Variants in AKT3 observed in about 807,000 individuals in gnomAD.
The protein encoded by AKT3 is AKT serine/threonine kinase 3.
Under a neutral mutation model 65.3 loss-of-function variants are expected in AKT3, and 15 were observed. That is an observed-to-expected ratio of 0.23 (90% confidence interval 0.15 to 0.35). AKT3 has a LOEUF of 0.35. Among genes scored for constraint, AKT3 ranks in the 10% least tolerant of loss-of-function variants. AKT3 has a pLI of 1.00. For synonymous variants in AKT3, 206 were observed against 183.8 expected, an observed-to-expected ratio of 1.12 and a Z score of -0.98; for missense variants, 243 against 576.5, an observed-to-expected ratio of 0.42 and a Z score of 5.92.
chr1:243,681,810 A>G (rs998240982), intron 3 of AKT3, among the ~76,000 whole-genome samples: 1 of 152,114 alleles, frequency 6.6e-6, no homozygotes, highest in Non-Finnish European at 1.5e-5. Context: ...TCTCAGATTC[A>G]TTATCTAGTT....
chr1:243,848,701 A>G (rs1695618012), intron 1 of AKT3, among the ~76,000 whole-genome samples: 1 of 152,236 alleles, frequency 6.6e-6, no homozygotes, highest in Non-Finnish European at 1.5e-5. Context: ...ACAACTGCCA[A>G]TGTATTAACT....
intron 10 of AKT3, among the ~76,000 whole-genome samples, chr1:243,554,304 G>A (rs1055280701): frequency 5.3e-5 from 8 of 151,874 alleles, no homozygotes; most frequent in African/African-American, 9.7e-5. Context: ...TTTGTTTTAC[G>A]GCTAAAAAAC....
chr1:243,519,001 G>C (rs1486490245), intron 12 of AKT3, among the ~76,000 whole-genome samples: 2 of 152,188 alleles, frequency 1.3e-5, no homozygotes, highest in East Asian at 3.8e-4. Context: ...GATGCTTTAT[G>C]AAAAGTTATG....
At chr1:243,509,618 G>A (rs961411371) in intron 13 of AKT3, among the ~76,000 whole-genome samples, 3 of 152,038 alleles carry the variant, frequency 2.0e-5, no homozygotes, top group Non-Finnish European at 2.9e-5. Context: ...CTGTCCGCCG[G>A]CCCTCCACTA....
At chr1:243,813,044 G>A (rs1200530128) in intron 2 of AKT3, among the ~76,000 whole-genome samples, 3 of 125,498 alleles carry the variant, frequency 2.4e-5, no homozygotes, top group African/African-American at 8.9e-5. Context: ...GGGGGGAGGG[G>A]GGAGGGATAG....
intron 2 of AKT3, among the ~76,000 whole-genome samples, chr1:243,705,021 G>A (rs1685707076): frequency 6.6e-6 from 1 of 152,114 alleles, no homozygotes; most frequent in African/African-American, 2.4e-5. Context: ...CTTCCGAGAT[G>A]TCTTAAAGGC....
intron 8 of AKT3, among the ~76,000 whole-genome samples, chr1:243,592,732 C>G (rs1290781540): frequency 1.3e-5 from 2 of 151,920 alleles, no homozygotes; most frequent in Non-Finnish European, 1.5e-5. Flanking sequence ...GAAAATGACA[C>G]CACATGGAAA....
chr1:243,808,942 G>C (rs1024020885), intron 2 of AKT3, among the ~76,000 whole-genome samples: 7 of 152,166 alleles, frequency 4.6e-5, no homozygotes, highest in Non-Finnish European at 8.8e-5. Context: ...AGCTTCGTAA[G>C]TGAAGGAGAA....
chr1:243,630,580 G>A (rs1262132303), intron 6 of AKT3, among the ~76,000 whole-genome samples: 2 of 152,084 alleles, frequency 1.3e-5, no homozygotes, highest in Admixed American at 6.6e-5. Flanking sequence ...CTGTCCTCTA[G>A]GCCCATGGTG....
At chr1:243,574,207 AAG>A (rs1265258967) in intron 8 of AKT3, among the ~76,000 whole-genome samples, 2 of 152,056 alleles carry the variant, frequency 1.3e-5, no homozygotes, top group Non-Finnish European at 2.9e-5. Flanking sequence ...TCATTATTTC[AAG>A]TAACATAAAA....
At chr1:243,601,552 T>C (rs898592363) in intron 8 of AKT3, among the ~76,000 whole-genome samples, 1 of 152,142 alleles carries the variant, frequency 6.6e-6, no homozygotes, top group Non-Finnish European at 1.5e-5. Flanking sequence ...ACACAGAAAT[T>C]GCATTTCTAT....
At chr1:243,664,979 A>G in intron 3 of AKT3, 96 bp from the exon 4 acceptor site, 2 of 531,018 alleles carry the variant, frequency 3.8e-6, no homozygotes, top group Non-Finnish European at 5.9e-6. Flanking sequence ...AACAAAACCC[A>G]GTGCGAACTC....
chr1:243,535,143 A>AAATTTAAAATAT (rs1553397995), intron 12 of AKT3, among the ~76,000 whole-genome samples: 220 of 141,642 alleles, frequency 1.6e-3, no homozygotes, highest in Non-Finnish European at 2.1e-3. Context: ...TAAAATTAAA[A>AAATTTAAAATAT]ATTTTAAAAT....
At chr1:243,527,319 G>A (rs1397526750) in intron 12 of AKT3, among the ~76,000 whole-genome samples, 4 of 152,106 alleles carry the variant, frequency 2.6e-5, no homozygotes, top group Non-Finnish European at 4.4e-5. Flanking sequence ...CTCTCTAGAG[G>A]CAAGATTTTT....
chr1:243,490,210 A>T (rs969306809), intron 13 of AKT3, among the ~76,000 whole-genome samples: 1 of 152,240 alleles, frequency 6.6e-6, no homozygotes, highest in East Asian at 1.9e-4. Flanking sequence ...CCTCTGCCAA[A>T]CATGTGTTCA....
intron 4 of AKT3, among the ~76,000 whole-genome samples, chr1:243,661,000 G>T (rs1430764590): frequency 6.6e-6 from 1 of 152,148 alleles, no homozygotes; most frequent in Non-Finnish European, 1.5e-5. Context: ...CAACTTACAA[G>T]GGATGTGAAG....
intron 3 of AKT3, among the ~76,000 whole-genome samples, chr1:243,683,127 G>GC (rs1276495687): frequency 4.6e-5 from 7 of 152,100 alleles, no homozygotes; most frequent in Admixed American, 1.3e-4. Context: ...TCTGCCATTT[G>GC]CCAAACAGTG....
intron 2 of AKT3, among the ~76,000 whole-genome samples, chr1:243,709,022 G>A (rs1439813213): frequency 2.0e-5 from 3 of 151,692 alleles, no homozygotes; most frequent in Non-Finnish European, 4.4e-5. Flanking sequence ...GTCAATCAAT[G>A]TACACTGGGT....
At chr1:243,815,402 A>G (rs976612481) in intron 2 of AKT3, among the ~76,000 whole-genome samples, 1 of 152,114 alleles carries the variant, frequency 6.6e-6, no homozygotes, top group Non-Finnish European at 1.5e-5. Context: ...GTTTCCGTTA[A>G]TATTTTTCTC....
Sources: gnomAD v4.1 joint callset for allele counts (sites outside exome capture counted in the v4.1 genomes callset) on GRCh38, gnomAD v4.1.1 for gene constraint, MANE v1.5 for transcripts, NCBI Gene and HGNC (gene_info 2026-07-23, HGNC 2026-07-21) for gene names.